The following KCNH7 variants were observed in gnomAD, a reference collection of about 807,000 sequenced individuals.
KCNH7 encodes voltage-gated inwardly rectifying potassium channel KCNH7.
Under a neutral mutation model 120.8 loss-of-function variants are expected in KCNH7, and 49 were observed. The ratio of observed to expected loss-of-function variants is 0.41; its 90% CI spans 0.32 to 0.51. The LOEUF is 0.51. Among genes scored for constraint, KCNH7 ranks in the 20% least tolerant of loss-of-function variants. The pLI is 0.38. For missense variants in KCNH7, 1,097 were observed against 1,446.6 expected (o/e 0.76, Z 3.92); for synonymous variants, 547 against 516.1 (o/e 1.06, Z -0.81).
In KCNH7 at chr2:162,371,955, G is replaced by T. The variant is rs78734560; in HGVS notation, c.3465C>A (p.His1155Gln). The change falls in exon 16 of 16, where the codon CAC becomes CAA. Residue 1155 changes from histidine to glutamine, a missense_variant. His to Gln is a conservative substitution (Grantham distance 24). Transcript: ENST00000332142. ...KQDSDLSLELHLRQRKTYVHP... is the reference protein window; with the variant it reads ...KQDSDLSLELQLRQRKTYVHP... ...GAACGTAAGTTTTTCTTTGCCGCAG[G>T]TGAAGCTCTAAAGAGAGATCACTGT... The T allele has an allele frequency of 5.6e-6, 9 of 1,613,742 alleles. No individual in the cohort carries two copies. The Admixed American group carries it at 8.3e-5, about 15-fold the overall frequency.
intron 2 of KCNH7, among the ~76,000 whole-genome samples, chr2:162,591,706 G>T (rs1413922704): frequency 2.0e-5 from 3 of 152,024 alleles, no homozygotes; most frequent in African/African-American, 4.8e-5. Context: ...GCCACAAAAA[G>T]TCTATAGAAT....
At chr2:162,436,238 T>C (rs572134112) in intron 7 of KCNH7, among the ~76,000 whole-genome samples, 7 of 152,184 alleles carry the variant, frequency 4.6e-5, no homozygotes, top group African/African-American at 1.7e-4. Flanking sequence ...TTGCAAACCA[T>C]CTGTATAATG....
intron 2 of KCNH7, among the ~76,000 whole-genome samples, chr2:162,769,327 C>G (rs1445316693): frequency 6.6e-6 from 1 of 152,150 alleles, no homozygotes; most frequent in South Asian, 2.1e-4. Flanking sequence ...AATACCTCTT[C>G]AAAATGCCCA....
At chr2:162,376,689 T>C (rs928544835) in intron 14 of KCNH7, among the ~76,000 whole-genome samples, 12 of 152,072 alleles carry the variant, frequency 7.9e-5, no homozygotes, top group Admixed American at 5.2e-4. Flanking sequence ...TCAGCAACAC[T>C]GGACATTACT....
At chr2:162,509,981 T>C (rs186873476) in intron 5 of KCNH7, among the ~76,000 whole-genome samples, 285 of 151,638 alleles carry the variant, frequency 1.9e-3, no homozygotes, top group African/African-American at 6.6e-3. Flanking sequence ...GTGAGGTAGA[T>C]TTTTACTGAT....
rs1574097343 is a variant in KCNH7, at chr2:162,556,311, C to T, written c.308-19231G>A. ...TGTAATTCCACAGCAATCTTATAAACTATTATTATTATCTTCATTGTGTAG... is the reference window on the plus strand; with the variant it reads ...TGTAATTCCACAGCAATCTTATAAATTATTATTATTATCTTCATTGTGTAG... On this transcript the variant is annotated intron_variant, in intron 2 of 15. Coordinates refer to ENST00000332142, the MANE Select transcript of KCNH7 (RefSeq NM_033272.4). Among the ~76,000 whole-genome samples the T allele has an allele frequency of 2.0e-5, 3 of 152,150 alleles. No homozygotes were observed. In the East Asian group the frequency reaches 5.8e-4, roughly 29 times the overall value.
intron 2 of KCNH7, among the ~76,000 whole-genome samples, chr2:162,707,633 G>A (rs1416261759): frequency 6.6e-6 from 1 of 152,030 alleles, no homozygotes; most frequent in Non-Finnish European, 1.5e-5. Flanking sequence ...CTGTAAGGAA[G>A]ATGAAATTCA....
At chr2:162,692,215 T>A (rs972777804) in intron 2 of KCNH7, among the ~76,000 whole-genome samples, 1 of 146,272 alleles carries the variant, frequency 6.8e-6, no homozygotes, top group Non-Finnish European at 1.5e-5. Context: ...AACATCCACC[T>A]CTTGGGTTCA....
rs1485998632 is a variant in KCNH7, at chr2:162,371,845, C to A, written c.3575G>T (p.Gly1192Val). ...VGLHRHVSDP[G>V]LPGK ...ACAAAATGATTATTTCCCTGGAAGA[C>A]CAGGATCAGAAACATGCCTATGAAG... The change falls in exon 16 of 16, where the codon GGT (glycine) becomes GTT (valine). Residue 1192 changes from glycine (G) to valine (V), a missense_variant. Coordinates refer to ENST00000332142, the MANE Select transcript of KCNH7 (RefSeq NM_033272.4). The A allele has an allele frequency of 6.2e-7, 1 of 1,608,806 alleles. No homozygotes were observed. Among genetic ancestry groups the A allele is most frequent in the African/African-American group, 1.3e-5 (1 of 74,790 alleles).
chr2:162,788,994 A>AG (rs1424528769), intron 2 of KCNH7, among the ~76,000 whole-genome samples: 71 of 150,444 alleles, frequency 4.7e-4, no homozygotes, highest in African/African-American at 1.7e-3. Context: ...TGGTTAAAAA[A>AG]AAAAAAAAAA....
At chr2:162,801,290 C>T (rs1313705586) in intron 2 of KCNH7, among the ~76,000 whole-genome samples, 1 of 151,472 alleles carries the variant, frequency 6.6e-6, no homozygotes, top group African/African-American at 2.4e-5. Context: ...CCCTCTTAAC[C>T]TAAATATTTA....
intron 6 of KCNH7, among the ~76,000 whole-genome samples, chr2:162,447,795 C>A (rs1419747494): frequency 1.3e-5 from 2 of 151,730 alleles, no homozygotes; most frequent in Non-Finnish European, 2.9e-5. Flanking sequence ...CCTTTTTATC[C>A]CCACATAATG....
chr2:162,746,713 G>T (rs1364351837), intron 2 of KCNH7, among the ~76,000 whole-genome samples: 1 of 152,100 alleles, frequency 6.6e-6, no homozygotes, highest in African/African-American at 2.4e-5. Context: ...AGTAAATATG[G>T]TGTAAACTAT....
At chr2:162,745,677 G>A (rs541397082) in intron 2 of KCNH7, among the ~76,000 whole-genome samples, 1 of 151,944 alleles carries the variant, frequency 6.6e-6, no homozygotes, top group Admixed American at 6.6e-5. Context: ...AAAATATATG[G>A]CAGTATACCA....
At chr2:162,735,099 A>G (rs2105398686) in intron 2 of KCNH7, among the ~76,000 whole-genome samples, 1 of 151,494 alleles carries the variant, frequency 6.6e-6, no homozygotes, top group Middle Eastern at 3.4e-3. Context: ...CTGTCTAGAC[A>G]TGCAAGACAC....
At chr2:162,697,819 C>T (rs1314863652) in intron 2 of KCNH7, among the ~76,000 whole-genome samples, 1 of 151,846 alleles carries the variant, frequency 6.6e-6, no homozygotes, top group Non-Finnish European at 1.5e-5. Context: ...TTCTGTTTAC[C>T]TCGGTTGCCT....
rs375120256 is a variant in KCNH7, at chr2:162,413,577, G to A, written c.2154+9759C>T. On this transcript the variant is annotated intron_variant, in intron 9 of 15. Coordinates refer to ENST00000332142, the MANE Select transcript of KCNH7 (RefSeq NM_033272.4). The stretch of plus-strand genomic sequence containing the variant: ...TGGCTTATTTAATAAATTCTACCAC[G>A]ACTATTTTCTATTCATGTGAAGGAA... Among the ~76,000 whole-genome samples the A allele has an allele frequency of 1.3e-4, 20 of 152,158 alleles. No individual in the cohort carries two copies. The East Asian group carries it at 3.3e-3, about 25-fold the overall frequency.
rs146793279 is a variant in KCNH7, at chr2:162,552,968, A to T, written c.308-15888T>A. 8.8e-3 allele frequency among the ~76,000 whole-genome samples: 1,343 copies of T among 152,282 alleles called. 31 individuals are homozygous for T. The highest frequency in any genetic ancestry group is 0.03 in the African/African-American group (1,238 of 41,562). On this transcript the variant is annotated intron_variant, in intron 2 of 15. Coordinates refer to ENST00000332142, the MANE Select transcript of KCNH7 (RefSeq NM_033272.4). ...CCAGTCACACCCAGCCCGACTTCTG[A>T]CCTACAGTACTATGACTGGTAAATG...
intron 6 of KCNH7, among the ~76,000 whole-genome samples, chr2:162,452,221 G>A (rs1204859161): frequency 6.6e-6 from 1 of 151,920 alleles, no homozygotes; most frequent in African/African-American, 2.4e-5. Context: ...GAAACTGAAT[G>A]ATGGATAGTT....
Sources: allele counts gnomAD v4.1 joint callset (sites outside exome capture counted in the v4.1 genomes callset), GRCh38; gene constraint gnomAD v4.1.1; transcripts MANE v1.5; gene names NCBI Gene and HGNC (gene_info 2026-07-23, HGNC 2026-07-21).